THOC5: variants seen among roughly 807,000 people sequenced by gnomAD.
THOC5 encodes the protein Fms-interacting protein.
In THOC5, 43 loss-of-function variants were observed where a neutral mutation model predicts 92.9. The observed-to-expected ratio is 0.46, with a 90% CI of 0.36 to 0.60. THOC5 has a LOEUF of 0.60. Among genes scored for constraint, THOC5 ranks in the 20% least tolerant of loss-of-function variants. THOC5 has a pLI of 0.00. For synonymous variants in THOC5, 296 were observed against 320.1 expected, an observed-to-expected ratio of 0.92 and a Z score of 0.80; for missense variants, 659 against 849.4, an observed-to-expected ratio of 0.78 and a Z score of 2.79.
At chr22:29,543,067 G>A (rs964905266) in intron 4 of THOC5, 111 bp from the exon 5 acceptor site, 2 of 752,030 alleles carry the variant, frequency 2.7e-6, no homozygotes, top group African/African-American at 3.6e-5. Context: ...GATGGGGCTG[G>A]GTGCAGTGGC....
chr22:29,535,132 T>G (rs1302829027), intron 7 of THOC5: 2 of 150,588 alleles, frequency 1.3e-5, no homozygotes, highest in African/African-American at 2.5e-5. Flanking sequence ...GGTGTGGTGG[T>G]GGGTGCCTGT....
chr22:29,545,114 T>C (rs1361825818), intron 2 of THOC5: 1 of 425,190 alleles, frequency 2.4e-6, no homozygotes, highest in Non-Finnish European at 4.7e-6. Flanking sequence ...GAAAGGCACT[T>C]CTTATGTGGC....
chr22:29,541,860 CCAAAAAAAAAA>C (rs1351728528), intron 5 of THOC5, among the ~76,000 whole-genome samples: 3 of 20,982 alleles, frequency 1.4e-4, no homozygotes, highest in African/African-American at 3.7e-4. Context: ...GACTCCATCT[CCAAAAAAAAAA>C]AAAAAAAAAA....
chr22:29,517,089 C>T lies in THOC5; in HGVS notation c.1621G>A (p.Asp541Asn). The T allele has an allele frequency of 6.2e-7, 1 of 1,614,162 alleles. No individual in the cohort carries two copies. Among genetic ancestry groups the T allele is most frequent in the East Asian group, 2.2e-5 (1 of 44,880 alleles). Reference sequence around the variant, plus strand: ...TTGGTGTCCCCAGCCAGTCCCGCATCCACAATGTCTTTGGTGAAGTGCAGC... The same window carrying T: ...TTGGTGTCCCCAGCCAGTCCCGCATTCACAATGTCTTTGGTGAAGTGCAGC... ...MELHFTKDIV[D>N]AGLAGDTNLY... is the part of the protein sequence containing the mutation. The change falls in exon 17 of 20, where the codon GAT (aspartate) becomes AAT (asparagine). Residue 541 changes from aspartate to asparagine, a missense_variant. Transcript: ENST00000490103.
intron 3 of THOC5, 65 bp downstream of exon 3, chr22:29,544,395 G>A: frequency 6.5e-7 from 1 of 1,538,636 alleles, no homozygotes; most frequent in Non-Finnish European, 8.8e-7. Flanking sequence ...GGCCCTGGTA[G>A]GTGCAAAAAC....
intron 8 of THOC5, chr22:29,531,415 A>T: frequency 1.0e-6 from 1 of 1,002,880 alleles, no homozygotes; most frequent in Non-Finnish European, 1.2e-6. Flanking sequence ...AAAGACATGC[A>T]GCCTGATTCA....
chr22:29,526,014 G>T (rs779028747), intron 11 of THOC5, 68 bp from the exon 12 acceptor site: 5 of 877,292 alleles, frequency 5.7e-6, no homozygotes, highest in South Asian at 1.3e-5. Context: ...AGAGTCATAG[G>T]GGGTAGTAAG....
At chr22:29,510,243 T>C (rs982137611) in intron 19 of THOC5, among the ~76,000 whole-genome samples, 1 of 152,188 alleles carries the variant, frequency 6.6e-6, no homozygotes, top group Admixed American at 6.5e-5. Flanking sequence ...GCCAGGACTT[T>C]ATATGAATTA....
intron 1 of THOC5, chr22:29,550,636 T>C (rs1264357808): frequency 1.3e-5 from 2 of 152,188 alleles, no homozygotes; most frequent in East Asian, 3.8e-4. Context: ...ATCTCCATTC[T>C]ACTCTTTCAT....
chr22:29,545,854 G>A (rs939838735), intron 2 of THOC5, among the ~76,000 whole-genome samples: 1 of 152,232 alleles, frequency 6.6e-6, no homozygotes, highest in African/African-American at 2.4e-5. Context: ...TGAAGGGACG[G>A]TGGCCCTCTT....
intron 17 of THOC5, among the ~76,000 whole-genome samples, chr22:29,512,913 CATTT>C (rs1208806864): frequency 6.6e-6 from 1 of 152,192 alleles, no homozygotes; most frequent in African/African-American, 2.4e-5. Flanking sequence ...AACAGGAAGA[CATTT>C]ATCTTCTCAA....
intron 2 of THOC5, among the ~76,000 whole-genome samples, chr22:29,545,965 G>T (rs551041498): frequency 3.3e-5 from 5 of 152,230 alleles, no homozygotes; most frequent in Admixed American, 1.3e-4. Context: ...CCATGAGCGC[G>T]CCAGCAGCAA....
intron 19 of THOC5, among the ~76,000 whole-genome samples, chr22:29,509,513 GTTA>G (rs201589897): frequency 0.034 from 5,199 of 152,292 alleles, 108 homozygotes; most frequent in South Asian, 0.053. Context: ...GCTGGAACTG[GTTA>G]TTATGAGATA....
rs750011915 is a variant in THOC5, at chr22:29,536,707, T to C, written c.631A>G (p.Asn211Asp). The change falls in exon 7 of 20, where the codon AAC becomes GAC. Residue 211 changes from asparagine to aspartate, a missense_variant. Transcript: ENST00000490103. ...LAEKYRECLS[N>D]KEKILKEIEV... is the part of the protein sequence containing the mutation. ...ATCTCCTTGAGAATCTTCTCCTTGT[T>C]AGATAGGCACTCTCGGTACTTCTCT... 23 of 1,613,018 alleles carry C rather than the reference T, an allele frequency of 1.4e-5. 1 individual carries two copies. In the South Asian group the frequency reaches 2.5e-4, roughly 18 times the overall value.
chr22:29,510,512 C>G (rs756093073), intron 19 of THOC5, among the ~76,000 whole-genome samples: 1 of 152,078 alleles, frequency 6.6e-6, no homozygotes, highest in Non-Finnish European at 1.5e-5. Flanking sequence ...GCGGAAGGAT[C>G]GTTTGAGCTC....
chr22:29,521,585 G>C (rs1360264193), intron 12 of THOC5, among the ~76,000 whole-genome samples: 1 of 152,158 alleles, frequency 6.6e-6, no homozygotes, highest in East Asian at 1.9e-4. Context: ...TTGGTGCTAT[G>C]TCTATCTCAC....
chr22:29,527,792 T>C (rs897712697), intron 11 of THOC5, among the ~76,000 whole-genome samples: 2 of 152,242 alleles, frequency 1.3e-5, no homozygotes, highest in Non-Finnish European at 2.9e-5. Context: ...AAAACCTGTA[T>C]ACTTTTGCAA....
At chr22:29,515,410 G>A (rs535275420) in intron 17 of THOC5, among the ~76,000 whole-genome samples, 2 of 152,198 alleles carry the variant, frequency 1.3e-5, no homozygotes, top group African/African-American at 2.4e-5. Context: ...ACTTTTATAC[G>A]TACTGGGAAA....
chr22:29,542,795 C>A, intron 5 of THOC5, 64 bp downstream of exon 5: 1 of 1,102,506 alleles, frequency 9.1e-7, no homozygotes. Context: ...TTACAGTGAG[C>A]TACATGGGAA....
Sources: gnomAD v4.1 joint callset for allele counts (sites outside exome capture counted in the v4.1 genomes callset) on GRCh38, gnomAD v4.1.1 for gene constraint, MANE v1.5 for transcripts, NCBI Gene and HGNC (gene_info 2026-07-23, HGNC 2026-07-21) for gene names.